Variants in KCNQ5 observed in about 807,000 individuals in gnomAD.
KCNQ5 encodes the protein potassium voltage-gated channel subfamily KQT member 5.
Under a neutral mutation model 98.2 loss-of-function variants are expected in KCNQ5, and 30 were observed. That is an observed-to-expected ratio of 0.31 (90% CI 0.23 to 0.41). KCNQ5 has a LOEUF of 0.41. Among genes scored for constraint, KCNQ5 ranks in the 10% least tolerant of loss-of-function variants. KCNQ5 has a pLI of 1.00. For missense variants in KCNQ5, 835 were observed against 1,182.5 expected, an observed-to-expected ratio of 0.71 and a Z score of 4.31; for synonymous variants, 458 against 449.4, an observed-to-expected ratio of 1.02 and a Z score of -0.24.
At chr6:72,890,227 A>G (rs1258471806) in intron 1 of KCNQ5, among the ~76,000 whole-genome samples, 1 of 152,212 alleles carries the variant, frequency 6.6e-6, no homozygotes, top group Non-Finnish European at 1.5e-5. Flanking sequence ...TCAGCATACT[A>G]AGCATATTCA....
chr6:73,091,966 T>G (rs910287759), intron 5 of KCNQ5, among the ~76,000 whole-genome samples: 4 of 152,092 alleles, frequency 2.6e-5, no homozygotes, highest in African/African-American at 9.7e-5. Flanking sequence ...CCGTGAGCAT[T>G]GGATATGTTT....
At chr6:72,806,015 C>CTGAGAGG (rs2150098823) in intron 1 of KCNQ5, among the ~76,000 whole-genome samples, 1 of 152,116 alleles carries the variant, frequency 6.6e-6, no homozygotes, top group Non-Finnish European at 1.5e-5. Context: ...CTTCATGGTG[C>CTGAGAGG]CCGAAATCTG....
At chr6:72,917,612 A>T (rs1030684895) in intron 1 of KCNQ5, among the ~76,000 whole-genome samples, 1 of 152,020 alleles carries the variant, frequency 6.6e-6, no homozygotes, top group African/African-American at 2.4e-5. Context: ...AGTTGGGACT[A>T]CAGGCACATG....
intron 1 of KCNQ5, among the ~76,000 whole-genome samples, chr6:72,995,169 G>A (rs1366685730): frequency 6.6e-6 from 1 of 152,136 alleles, no homozygotes; most frequent in Admixed American, 6.5e-5. Flanking sequence ...AGGAGTTCAA[G>A]ACCAGCCTGA....
At chr6:72,950,988 T>C (rs1413741913) in intron 1 of KCNQ5, among the ~76,000 whole-genome samples, 5 of 152,318 alleles carry the variant, frequency 3.3e-5, no homozygotes, top group African/African-American at 1.2e-4. Context: ...TTGTTACTGC[T>C]GCTTAGAGCT....
chr6:73,141,088 C>T (rs1227387137), intron 10 of KCNQ5, among the ~76,000 whole-genome samples: 1 of 152,206 alleles, frequency 6.6e-6, no homozygotes, highest in Non-Finnish European at 1.5e-5. Flanking sequence ...ATAAACTAGG[C>T]AGCCTATAAA....
chr6:72,825,397 A>G (rs545646745), intron 1 of KCNQ5, among the ~76,000 whole-genome samples: 1 of 152,198 alleles, frequency 6.6e-6, no homozygotes, highest in East Asian at 1.9e-4. Flanking sequence ...GAAAGTAAGT[A>G]TTTTTGTTTG....
chr6:73,074,797 A>G (rs991030459), intron 3 of KCNQ5, among the ~76,000 whole-genome samples: 3 of 152,050 alleles, frequency 2.0e-5, no homozygotes, highest in South Asian at 2.1e-4. Context: ...AATGCCAAGC[A>G]CATAGTAAGT....
intron 1 of KCNQ5, among the ~76,000 whole-genome samples, chr6:72,836,744 T>C (rs1776522699): frequency 6.6e-6 from 1 of 152,204 alleles, no homozygotes; most frequent in African/African-American, 2.4e-5. Context: ...AATCTCCAGC[T>C]TTCTGCAATG....
At chr6:72,759,535 A>C (rs1772144489) in intron 1 of KCNQ5, among the ~76,000 whole-genome samples, 1 of 152,078 alleles carries the variant, frequency 6.6e-6, no homozygotes, top group Non-Finnish European at 1.5e-5. Context: ...CAGAGGCATC[A>C]CTCAGGTTTT....
intron 1 of KCNQ5, among the ~76,000 whole-genome samples, chr6:72,937,744 T>C (rs1366969349): frequency 6.6e-6 from 1 of 152,204 alleles, no homozygotes; most frequent in Non-Finnish European, 1.5e-5. Context: ...TTATTATGCA[T>C]GTGTAAACCT....
chr6:73,115,764 T>C (rs1307742535), intron 7 of KCNQ5, among the ~76,000 whole-genome samples: 1 of 152,054 alleles, frequency 6.6e-6, no homozygotes, highest in Admixed American at 6.6e-5. Flanking sequence ...TCAAGAAACT[T>C]TGTAAATAGA....
At chr6:72,810,008 A>C (rs904510226) in intron 1 of KCNQ5, among the ~76,000 whole-genome samples, 2 of 152,308 alleles carry the variant, frequency 1.3e-5, no homozygotes, top group East Asian at 3.9e-4. Flanking sequence ...ATGATTAAGA[A>C]ATAGCCTCTG....
intron 3 of KCNQ5, among the ~76,000 whole-genome samples, chr6:73,070,679 G>A (rs992869266): frequency 6.6e-6 from 1 of 152,158 alleles, no homozygotes; most frequent in African/African-American, 2.4e-5. Context: ...CATAGAAAAA[G>A]AGAAAGTGAT....
intron 1 of KCNQ5, among the ~76,000 whole-genome samples, chr6:72,905,496 T>C (rs1779663876): frequency 6.6e-6 from 1 of 152,132 alleles, no homozygotes; most frequent in Non-Finnish European, 1.5e-5. Flanking sequence ...TCCTTCTCAT[T>C]TGGGTAGGCT....
intron 11 of KCNQ5, among the ~76,000 whole-genome samples, chr6:73,179,366 C>G (rs1360944545): frequency 6.6e-6 from 1 of 152,102 alleles, no homozygotes; most frequent in Non-Finnish European, 1.5e-5. Context: ...GGTCTCTCTT[C>G]CACTTCTTAT....
At chr6:72,873,955 T>C (rs563531027) in intron 1 of KCNQ5, among the ~76,000 whole-genome samples, 7 of 152,138 alleles carry the variant, frequency 4.6e-5, no homozygotes, top group Non-Finnish European at 1.0e-4. Flanking sequence ...CTCAGTGATA[T>C]ATAAACTCTG....
At chr6:72,669,592 G>A (rs1446038268) in intron 1 of KCNQ5, among the ~76,000 whole-genome samples, 3 of 152,146 alleles carry the variant, frequency 2.0e-5, no homozygotes, top group African/African-American at 7.2e-5. Flanking sequence ...GGGAGTGGCA[G>A]TTCTGATCAT....
chr6:72,796,853 G>A (rs1280012657), intron 1 of KCNQ5, among the ~76,000 whole-genome samples: 2 of 152,112 alleles, frequency 1.3e-5, no homozygotes, highest in African/African-American at 4.8e-5. Context: ...AATACAAATA[G>A]ATACTATAAT....
Sources: allele counts gnomAD v4.1 joint callset (sites outside exome capture counted in the v4.1 genomes callset), GRCh38; gene constraint gnomAD v4.1.1; transcripts MANE v1.5; gene names NCBI Gene and HGNC (gene_info 2026-07-23, HGNC 2026-07-21).